Variants in PLA2G4B observed in about 807,000 individuals in gnomAD.
The protein encoded by PLA2G4B is phospholipase A2 group IVB.
PLA2G4B carries 122 observed loss-of-function variants against 95.8 expected under a neutral mutation model. The ratio of observed to expected loss-of-function variants is 1.27; its 90% CI spans 1.10 to 1.48. The LOEUF is 1.48. PLA2G4B is among the 40% of genes most tolerant of loss of function. The pLI is 0.00. For missense variants in PLA2G4B, 1,158 were observed against 996.2 expected (o/e 1.16, Z -2.19); for synonymous variants, 518 against 421.5 (o/e 1.23, Z -2.80).
rs2290552 is a variant in PLA2G4B, at chr15:41,842,565, G to A, written c.717G>A (p.Met239Ile). Residue 239 changes from methionine (M) to isoleucine (I), a missense_variant, in exon 10 of 20, where the codon ATG (methionine) becomes ATA (isoleucine). Met to Ile is a conservative substitution (Grantham distance 10). Transcript: ENST00000458483. Reference protein sequence around the residue: ...LVFPTSQEPLMRVELKKEAGL... With the variant: ...LVFPTSQEPLIRVELKKEAGL... ...TTCACGGTTTTCAGGAGCCCCTGAT[G>A]AGAGTGGAGCTGAAAAAAGAAGCAG... is the stretch of plus-strand genomic sequence containing the variant. The A allele has an allele frequency of 2.0e-4, 316 of 1,610,028 alleles. 2 individuals are homozygous for A. In the East Asian group the frequency reaches 6.4e-3, roughly 33 times the overall value.
At chr15:41,840,736 C>T (rs2065413624) in intron 3 of PLA2G4B, 38 bp from the exon 4 acceptor site, 1 of 1,608,384 alleles carries the variant, frequency 6.2e-7, no homozygotes, top group Non-Finnish European at 8.5e-7. Context: ...CTTTCTGTCC[C>T]CTCCCTCCTG....
In PLA2G4B at chr15:41,842,142, T is replaced by C. The variant is rs756385614; in HGVS notation, c.622-51T>C. ...GGCGGGAGTTTGGTGAGGTCTTTGC[T>C]AGGAGTGGAAGCGTAAAGATTCTTA... On this transcript the variant is annotated intron_variant, in intron 8 of 19. Coordinates refer to ENST00000458483, the MANE Select transcript of PLA2G4B (RefSeq NM_001114633.2). 16 of 1,607,366 alleles carry C rather than the reference T, an allele frequency of 1.0e-5. No homozygotes were observed. The East Asian group carries it at 3.6e-4, about 36-fold the overall frequency.
chr15:41,839,191 A>T (rs1450487074), intron 1 of PLA2G4B: 2 of 355,426 alleles, frequency 5.6e-6, no homozygotes, highest in South Asian at 8.0e-5. Flanking sequence ...AGAGGCTCCC[A>T]GCTGCCGCCC....
chr15:41,847,625 T>G, intron 19 of PLA2G4B, 24 bp from the exon 20 acceptor site: 3 of 1,613,460 alleles, frequency 1.9e-6, no homozygotes, highest in Non-Finnish European at 2.5e-6. Context: ...GTGTTCCCCA[T>G]GCCAGGCTGC....
At chr15:41,847,314 A>C in intron 18 of PLA2G4B, 23 bp from the exon 19 acceptor site, 1 of 1,577,278 alleles carries the variant, frequency 6.3e-7, no homozygotes, top group South Asian at 1.1e-5. Context: ...GTCCCTCTGA[A>C]GCCCCTTCTG....
intron 12 of PLA2G4B, 54 bp from the exon 13 acceptor site, chr15:41,844,794 C>A: frequency 6.4e-7 from 1 of 1,555,288 alleles, no homozygotes; most frequent in Non-Finnish European, 8.7e-7. Context: ...CACGTGGGGT[C>A]TAGACGGGGT....
chr15:41,842,411 G>A, intron 9 of PLA2G4B, 135 bp downstream of exon 9: 1 of 1,544,794 alleles, frequency 6.5e-7, no homozygotes, highest in Non-Finnish European at 8.7e-7. Flanking sequence ...TTTGGGGAGT[G>A]TCCTCTGAGC....
intron 7 of PLA2G4B, 110 bp from the exon 8 acceptor site, chr15:41,841,709 C>G (rs982849866): frequency 1.2e-5 from 19 of 1,569,722 alleles, no homozygotes; most frequent in Non-Finnish European, 6.9e-6. Context: ...TCCATCTCCA[C>G]CAGACCATTT....
At chr15:41,846,531 G>A in intron 17 of PLA2G4B, 138 bp from the exon 18 acceptor site, 1 of 1,503,762 alleles carries the variant, frequency 6.6e-7, no homozygotes, top group East Asian at 2.3e-5. Flanking sequence ...TTGTCTTGGG[G>A]ACCCAGGGCC....
intron 11 of PLA2G4B, 78 bp from the exon 12 acceptor site, chr15:41,844,393 A>C: frequency 6.2e-7 from 1 of 1,606,306 alleles, no homozygotes; most frequent in Non-Finnish European, 8.5e-7. Context: ...TGGCCACTTG[A>C]CCTGCTACCT....
rs1373419777 is a variant in PLA2G4B at position 41,840,860 on chromosome 15, G to A, written c.306G>A (p.Leu102=). The A allele has an allele frequency of 1.9e-6, 3 of 1,613,958 alleles. No individual in the cohort carries two copies. The highest frequency in any genetic ancestry group is 2.2e-5 in the East Asian group (1 of 44,874). The change falls in exon 4 of 20, where the codon CTG becomes CTA. Residue 102 remains leucine (L), a synonymous_variant. Transcript: ENST00000458483. ...CAGTACTGTTTGATGCGGGGACTCT[G>A]CGGGCTGGGGAGTTCCGGCGCGAGA... is the stretch of plus-strand genomic sequence containing the variant. ...VLSVLFDAGT[L]RAGEFRRESF...
At position 41,847,875 on chromosome 15, in the gene PLA2G4B, G is replaced by A; in HGVS notation, c.*15G>A. The A allele has an allele frequency of 6.2e-7, 1 of 1,602,828 alleles. No individual in the cohort carries two copies. Among genetic ancestry groups the A allele is most frequent in the Non-Finnish European group, 8.5e-7 (1 of 1,178,290 alleles). ...GGCCCCACTGATGGCCGGGGCCCCT[G>A]CCACCCCTAACTCTCATTCATTCCC... On this transcript the variant is annotated 3_prime_UTR_variant, in exon 20 of 20. Coordinates refer to ENST00000458483, the MANE Select transcript of PLA2G4B (RefSeq NM_001114633.2).
chr15:41,840,391 G>A, intron 2 of PLA2G4B, 133 bp from the exon 3 acceptor site: 1 of 1,579,956 alleles, frequency 6.3e-7, no homozygotes. Context: ...GGCAGCTGGG[G>A]CTCTGCCTCT....
At position 41,843,677 on chromosome 15, in the gene PLA2G4B, C is replaced by T; in HGVS notation, c.745C>T (p.Leu249=). 1 of 1,613,188 alleles carries T rather than the reference C, an allele frequency of 6.2e-7. No homozygotes were observed. The highest frequency in any genetic ancestry group is 8.5e-7 in the Non-Finnish European group (1 of 1,179,548). ...MRVELKKEAG[L]RELAVRLGFG... is the part of the protein sequence containing the mutation. ...ACAGTCTCTTCCTTCCCCGGCCAGA[C>T]TGAGGGAGCTGGCCGTGCGACTGGG... Residue 249 remains leucine (L), a splice_region_variant and synonymous_variant, in exon 11 of 20, where the codon CTG becomes TTG. Transcript: ENST00000458483.
intron 12 of PLA2G4B, 32 bp from the exon 13 acceptor site, chr15:41,844,816 A>T: frequency 1.3e-6 from 2 of 1,574,630 alleles, no homozygotes; most frequent in Non-Finnish European, 1.7e-6. Context: ...CTTCAGTGAC[A>T]GCCCTCTGGC....
rs41277690 is a variant in PLA2G4B at position 41,844,573 on chromosome 15, G to C, written c.982G>C (p.Val328Leu). 13 of 1,614,066 alleles carry C rather than the reference G, an allele frequency of 8.1e-6. No homozygotes were observed. Among genetic ancestry groups the C allele is most frequent in the Non-Finnish European group, 1.1e-5 (13 of 1,180,042 alleles). Residue 328 changes from valine (V) to leucine (L), a missense_variant, in exon 12 of 20, where the codon GTC becomes CTC. Transcript: ENST00000458483. Reference sequence around the variant, plus strand: ...GAAGGAGCTGGGCCTCTTGGATTGCGTCTCCTACATCACCGGGGCCTCGGG... The same window carrying C: ...GAAGGAGCTGGGCCTCTTGGATTGCCTCTCCTACATCACCGGGGCCTCGGG... The part of the protein sequence containing the change: ...GLKELGLLDC[V>L]SYITGASGST...
At chr15:41,843,978 G>A (rs890690553) in intron 11 of PLA2G4B, among the ~76,000 whole-genome samples, 167 bp downstream of exon 11, 1 of 152,212 alleles carries the variant, frequency 6.6e-6, no homozygotes, top group Non-Finnish European at 1.5e-5. Flanking sequence ...CAGGCAGAGT[G>A]TTGCTTGAGG....
rs1173428139 is a variant in PLA2G4B, at chr15:41,845,340, A to G, written c.1357+20A>G. On this transcript the variant is annotated intron_variant, in intron 14 of 19. Coordinates refer to ENST00000458483, the MANE Select transcript of PLA2G4B (RefSeq NM_001114633.2). ...TTGGGGGTGAGTGGCCCAAGAGCTGAGACCTGTGCCCTTGCAGTTGGTGGA... is the reference window on the plus strand; with the variant it reads ...TTGGGGGTGAGTGGCCCAAGAGCTGGGACCTGTGCCCTTGCAGTTGGTGGA... 2 of 1,610,864 alleles carry G rather than the reference A, an allele frequency of 1.2e-6. No homozygotes were observed. The highest frequency in any genetic ancestry group is 2.2e-5 in the South Asian group (2 of 90,942).
In PLA2G4B at chr15:41,841,521, G is replaced by A. The variant is rs372615666; in HGVS notation, c.440G>A (p.Arg147Gln). Reference protein sequence around the residue: ...WLVSNGVLVARELSCLHVQLE... With the variant: ...WLVSNGVLVAQELSCLHVQLE... Reference sequence around the variant, plus strand: ...GGGGCTGTCTTCATGACTCAGGCCCGGGAGCTCTCCTGCTTGCACGTTCAA... The same window carrying A: ...GGGGCTGTCTTCATGACTCAGGCCCAGGAGCTCTCCTGCTTGCACGTTCAA... Residue 147 changes from arginine (R) to glutamine (Q), a missense_variant, in exon 7 of 20, where the codon CGG (arginine) becomes CAG (glutamine). Coordinates refer to ENST00000458483, the MANE Select transcript of PLA2G4B (RefSeq NM_001114633.2). The A allele has an allele frequency of 9.3e-6, 15 of 1,613,946 alleles. No individual in the cohort carries two copies. The highest frequency in any genetic ancestry group is 3.3e-5 in the Admixed American group (2 of 59,998).
Sources: allele counts gnomAD v4.1 joint callset (sites outside exome capture counted in the v4.1 genomes callset), GRCh38; gene constraint gnomAD v4.1.1; transcripts MANE v1.5; gene names NCBI Gene and HGNC (gene_info 2026-07-23, HGNC 2026-07-21).